The following SGCZ variants were observed in gnomAD, a reference collection of about 807,000 sequenced individuals.
SGCZ encodes the protein zeta-sarcoglycan.
SGCZ carries 40 observed loss-of-function variants against 41.3 expected under a neutral mutation model. That is an observed-to-expected ratio of 0.97 (90% CI 0.75 to 1.26). The LOEUF is 1.26. SGCZ is among the 50% of genes most tolerant of loss of function. The probability of loss-of-function intolerance (pLI) is 0.00; values close to 1 mark genes in which losing one functional copy is unlikely to be tolerated. For synonymous variants in SGCZ, 206 were observed against 137.5 expected, an observed-to-expected ratio of 1.50 and a Z score of -3.49; for missense variants, 552 against 369.8, an observed-to-expected ratio of 1.49 and a Z score of -4.04.
intron 2 of SGCZ, among the ~76,000 whole-genome samples, chr8:14,443,883 A>C (rs1800349553): frequency 6.6e-6 from 1 of 152,172 alleles, no homozygotes; most frequent in African/African-American, 2.4e-5. Context: ...CAACCTACAG[A>C]ATGGGAGAAA....
intron 4 of SGCZ, among the ~76,000 whole-genome samples, chr8:14,190,379 G>A (rs142018984): frequency 0.025 from 3,820 of 150,684 alleles, 177 homozygotes; most frequent in African/African-American, 0.087. Context: ...GTGTGTGTGT[G>A]TGTATATATA....
chr8:14,819,457 A>T (rs754784971), intron 1 of SGCZ, among the ~76,000 whole-genome samples: 2 of 152,164 alleles, frequency 1.3e-5, no homozygotes, highest in Non-Finnish European at 2.9e-5. Flanking sequence ...GTCCAATCAC[A>T]AGACTGGCCT....
intron 1 of SGCZ, among the ~76,000 whole-genome samples, chr8:14,862,409 C>T (rs967587399): frequency 7.3e-5 from 11 of 151,466 alleles, no homozygotes; most frequent in African/African-American, 2.4e-4. Flanking sequence ...ATCATCTATG[C>T]GTTTAGTCAC....
intron 5 of SGCZ, among the ~76,000 whole-genome samples, chr8:14,130,815 C>G (rs773199205): frequency 1.3e-5 from 2 of 152,160 alleles, no homozygotes; most frequent in African/African-American, 4.8e-5. Flanking sequence ...TTCATAGAGG[C>G]TCTAGCTTCC....
At position 14,137,283 on chromosome 8, in the gene SGCZ, C is replaced by T. The variant is rs116256525; in HGVS notation, c.547+27297G>A. On this transcript the variant is annotated intron_variant, in intron 5 of 7. Coordinates refer to ENST00000382080, the MANE Select transcript of SGCZ (RefSeq NM_139167.4). ...AGAGCACCTCTTCTCCTCCAAAGAT[C>T]GCAGCTCCTCGCAAGCAACGGAACA... 5.8e-3 allele frequency among the ~76,000 whole-genome samples: 880 copies of T among 152,352 alleles called. 7 individuals carry two copies. Among genetic ancestry groups the T allele is most frequent in the African/African-American group, 0.018 (731 of 41,582 alleles).
intron 1 of SGCZ, among the ~76,000 whole-genome samples, chr8:14,656,873 C>A (rs535648400): frequency 1.3e-5 from 2 of 151,846 alleles, no homozygotes; most frequent in South Asian, 4.2e-4. Flanking sequence ...GATAAAGTGA[C>A]CCTACAGATA....
intron 1 of SGCZ, among the ~76,000 whole-genome samples, chr8:14,679,302 T>G (rs923407859): frequency 8.5e-5 from 13 of 152,142 alleles, no homozygotes; most frequent in African/African-American, 2.9e-4. Context: ...ACTGTAAGCC[T>G]CAGGAAGATC....
At chr8:14,931,715 C>G (rs1222623567) in intron 1 of SGCZ, among the ~76,000 whole-genome samples, 8 of 152,058 alleles carry the variant, frequency 5.3e-5, no homozygotes, top group Admixed American at 1.3e-4. Context: ...ACTTGACATT[C>G]TTTCTTCTAA....
intron 2 of SGCZ, among the ~76,000 whole-genome samples, chr8:14,391,885 C>T (rs1010261230): frequency 6.6e-6 from 1 of 152,018 alleles, no homozygotes; most frequent in Non-Finnish European, 1.5e-5. Flanking sequence ...TGTTTAAATG[C>T]TCCTGCCATG....
At chr8:14,671,740 A>T (rs1231828474) in intron 1 of SGCZ, among the ~76,000 whole-genome samples, 1 of 152,170 alleles carries the variant, frequency 6.6e-6, no homozygotes, top group Admixed American at 6.5e-5. Flanking sequence ...TAACATTAGG[A>T]ATAATAACAT....
intron 1 of SGCZ, among the ~76,000 whole-genome samples, chr8:14,902,904 C>G (rs923092043): frequency 6.6e-6 from 1 of 152,022 alleles, no homozygotes; most frequent in African/African-American, 2.4e-5. Context: ...ATACGTCTCC[C>G]TGATTAACAG....
chr8:15,215,714 G>C (rs1585682372), intron 1 of SGCZ, among the ~76,000 whole-genome samples: 1 of 152,260 alleles, frequency 6.6e-6, no homozygotes, highest in Non-Finnish European at 1.5e-5. Context: ...GTCTGACCCT[G>C]CCAAACTGAT....
At chr8:14,432,553 T>C (rs1166151325) in intron 2 of SGCZ, among the ~76,000 whole-genome samples, 1 of 152,100 alleles carries the variant, frequency 6.6e-6, no homozygotes, top group Non-Finnish European at 1.5e-5. Flanking sequence ...GGGTGAGGGA[T>C]ACTGCAAATT....
chr8:14,959,467 A>G (rs967569848), intron 1 of SGCZ, among the ~76,000 whole-genome samples: 13 of 152,168 alleles, frequency 8.5e-5, no homozygotes, highest in Non-Finnish European at 1.3e-4. Context: ...TGCTTATAGT[A>G]TATCAGCCAT....
At chr8:14,514,900 T>G (rs1229225361) in intron 2 of SGCZ, among the ~76,000 whole-genome samples, 1 of 151,250 alleles carries the variant, frequency 6.6e-6, no homozygotes, top group Admixed American at 6.6e-5. Context: ...TTTCCATTTG[T>G]TCTTTCTATT....
intron 2 of SGCZ, among the ~76,000 whole-genome samples, chr8:14,476,481 A>T (rs894654539): frequency 9.9e-5 from 15 of 151,994 alleles, no homozygotes; most frequent in Non-Finnish European, 2.1e-4. Flanking sequence ...ATTTATTATA[A>T]TAATAAAAAT....
chr8:14,176,698 A>T (rs1402360859), intron 4 of SGCZ, among the ~76,000 whole-genome samples: 1 of 152,180 alleles, frequency 6.6e-6, no homozygotes, highest in Non-Finnish European at 1.5e-5. Context: ...GGCTAGGTTC[A>T]AGTGGGTGGG....
chr8:15,136,277 G>T (rs968052863), intron 1 of SGCZ, among the ~76,000 whole-genome samples: 6 of 152,074 alleles, frequency 3.9e-5, no homozygotes, highest in Admixed American at 2.6e-4. Context: ...CTGGCCCCTT[G>T]TAACAGGCAA....
intron 1 of SGCZ, among the ~76,000 whole-genome samples, chr8:14,620,912 C>T (rs1806262913): frequency 6.6e-6 from 1 of 152,066 alleles, no homozygotes; most frequent in Admixed American, 6.6e-5. Context: ...TTAGAAATAC[C>T]ATTTGACCCA....
Sources: allele counts gnomAD v4.1 joint callset (sites outside exome capture counted in the v4.1 genomes callset), GRCh38; gene constraint gnomAD v4.1.1; transcripts MANE v1.5; gene names NCBI Gene and HGNC (gene_info 2026-07-23, HGNC 2026-07-21).